NOS1: variants seen among roughly 807,000 people sequenced by gnomAD.
NOS1 encodes nitric oxide synthase 1.
NOS1 carries 51 observed loss-of-function variants against 164.5 expected under a neutral mutation model. The ratio of observed to expected loss-of-function variants is 0.31; its 90% CI spans 0.25 to 0.39. The LOEUF is 0.39. NOS1 is among the 10% of genes least tolerant of loss of function. NOS1 has a pLI of 1.00. For synonymous variants in NOS1, 719 were observed against 745.8 expected, an observed-to-expected ratio of 0.96 and a Z score of 0.59; for missense variants, 1,362 against 1,885.6, an observed-to-expected ratio of 0.72 and a Z score of 5.14.
chr12:117,214,928 G>T lies in NOS1; in HGVS notation c.*381C>A. ...GAAAGGGGGACTTCAGTGGCTGAGGGACTGGCTCAGAGAGCTTGTGCCTAG... is the reference window on the plus strand; with the variant it reads ...GAAAGGGGGACTTCAGTGGCTGAGGTACTGGCTCAGAGAGCTTGTGCCTAG... On this transcript the variant is annotated 3_prime_UTR_variant, in exon 29 of 29. Coordinates refer to ENST00000317775, the MANE Select transcript of NOS1 (RefSeq NM_000620.5). 9.7e-7 allele frequency: 1 copy of T among 1,035,040 alleles called. No homozygotes were observed. Among genetic ancestry groups the T allele is most frequent in the Non-Finnish European group, 1.2e-6 (1 of 862,614 alleles). 64.1% of individuals were successfully genotyped at this position (1,035,040 alleles called of 1,614,324 possible). A position where few individuals can be genotyped will look rare whatever the true frequency, so the allele number is the denominator to read the frequency against.
intron 7 of NOS1, among the ~76,000 whole-genome samples, chr12:117,284,282 A>T (rs1213941759): frequency 6.6e-6 from 1 of 152,184 alleles, no homozygotes; most frequent in African/African-American, 2.4e-5. Context: ...GTGAGCGGGC[A>T]GAGTCAACAA....
intron 2 of NOS1, among the ~76,000 whole-genome samples, chr12:117,322,318 C>T (rs1197603222): frequency 1.6e-5 from 2 of 123,932 alleles, no homozygotes; most frequent in Non-Finnish European, 3.4e-5. Flanking sequence ...TGTCCCTCCT[C>T]TTCCTTCCCT....
intron 18 of NOS1, among the ~76,000 whole-genome samples, chr12:117,245,131 C>T (rs1281810532): frequency 6.6e-6 from 1 of 152,212 alleles, no homozygotes; most frequent in Non-Finnish European, 1.5e-5. Context: ...TCAGCTTCCC[C>T]ATTTGCTCTC....
At chr12:117,260,970 C>T (rs925526835) in intron 13 of NOS1, among the ~76,000 whole-genome samples, 14 of 151,750 alleles carry the variant, frequency 9.2e-5, no homozygotes, top group Non-Finnish European at 1.9e-4. Context: ...GAATTTGCCA[C>T]CAGCCTGGGC....
Position 117,211,465 on chromosome 12 carries a change from C to A in NOS1, c.*3844G>T. Reference sequence around the variant, plus strand: ...TTTCTTTTCCAAGTATAACTCCAATCGCCTTAATGTCCCTTTTTGAAAAAC... The same window carrying A: ...TTTCTTTTCCAAGTATAACTCCAATAGCCTTAATGTCCCTTTTTGAAAAAC... On this transcript the variant is annotated 3_prime_UTR_variant, in exon 29 of 29. Coordinates refer to ENST00000317775, the MANE Select transcript of NOS1 (RefSeq NM_000620.5). 2 of 984,658 alleles carry A rather than the reference C, an allele frequency of 2.0e-6. No homozygotes were observed. Among genetic ancestry groups the A allele is most frequent in the Non-Finnish European group, 2.4e-6 (2 of 829,258 alleles). 61.0% of individuals were successfully genotyped at this position (984,658 alleles called of 1,614,324 possible). A position where few individuals can be genotyped will look rare whatever the true frequency, so the allele number is the denominator to read the frequency against.
intron 3 of NOS1, among the ~76,000 whole-genome samples, chr12:117,293,164 C>A (rs1309296635): frequency 6.6e-6 from 1 of 152,130 alleles, no homozygotes; most frequent in Non-Finnish European, 1.5e-5. Context: ...CATGTTGGAG[C>A]CTGGGGAACA....
At chr12:117,262,034 A>G (rs1311470020) in intron 13 of NOS1, among the ~76,000 whole-genome samples, 1 of 152,200 alleles carries the variant, frequency 6.6e-6, no homozygotes, top group African/African-American at 2.4e-5. Flanking sequence ...AGTGCAGACA[A>G]ATCGCTAACT....
intron 17 of NOS1, among the ~76,000 whole-genome samples, chr12:117,250,573 C>G (rs1871019787): frequency 6.6e-6 from 1 of 152,176 alleles, no homozygotes; most frequent in Non-Finnish European, 1.5e-5. Flanking sequence ...AGGTGATCCA[C>G]ACACCTTGGC....
At chr12:117,219,956 C>T (rs971392473) in intron 27 of NOS1, 119 bp downstream of exon 27, 21 of 972,648 alleles carry the variant, frequency 2.2e-5, no homozygotes, top group African/African-American at 1.1e-4. Context: ...GTAAGTGCAA[C>T]GAATGGGAGC....
At chr12:117,237,689 CA>C (rs1869831275) in intron 20 of NOS1, among the ~76,000 whole-genome samples, 1 of 148,216 alleles carries the variant, frequency 6.7e-6, no homozygotes, top group Non-Finnish European at 1.5e-5. Flanking sequence ...AAAAAAAAAA[CA>C]GAAAATGTGC....
intron 3 of NOS1, chr12:117,304,976 G>A: frequency 1.0e-6 from 1 of 979,922 alleles, no homozygotes; most frequent in Non-Finnish European, 1.2e-6. Context: ...TGCTTCAATT[G>A]CATTCTATTG....
chr12:117,287,740 CTT>C (rs1470864832), intron 5 of NOS1, among the ~76,000 whole-genome samples: 2 of 152,178 alleles, frequency 1.3e-5, no homozygotes, highest in African/African-American at 2.4e-5. Context: ...CACCTGGTCT[CTT>C]GTTAGTTCTT....
chr12:117,301,151 G>A (rs1010188254), intron 3 of NOS1, among the ~76,000 whole-genome samples: 7 of 152,228 alleles, frequency 4.6e-5, no homozygotes, highest in Non-Finnish European at 1.0e-4. Flanking sequence ...CTCTTGAGAT[G>A]GAGTCTCACT....
At chr12:117,244,685 T>C (rs748467124) in intron 18 of NOS1, among the ~76,000 whole-genome samples, 1 of 152,224 alleles carries the variant, frequency 6.6e-6, no homozygotes, top group Non-Finnish European at 1.5e-5. Context: ...TAACAAGATT[T>C]GACACATCCA....
At position 117,278,136 on chromosome 12, in the gene NOS1, C is replaced by T. The variant is rs769688326; in HGVS notation, c.1525-38G>A. ...CCGGCCAGGTAATGCCACTGTACCC[C>T]ACACCCTACAAACACAACCCTTATG... On this transcript the variant is annotated intron_variant, in intron 8 of 28. Transcript: ENST00000317775. The T allele has an allele frequency of 4.4e-6, 7 of 1,582,252 alleles. No individual in the cohort carries two copies. In the Admixed American group the frequency reaches 5.1e-5, roughly 12 times the overall value.
At chr12:117,352,966 A>G (rs1434432981) in intron 1 of NOS1, among the ~76,000 whole-genome samples, 1 of 152,196 alleles carries the variant, frequency 6.6e-6, no homozygotes, top group African/African-American at 2.4e-5. Flanking sequence ...AACAGCTATT[A>G]GCATTTTCAT....
In NOS1 at chr12:117,356,787, T is replaced by C. The variant is rs577343892; in HGVS notation, c.-421+4725A>G. Among the ~76,000 whole-genome samples the C allele has an allele frequency of 6.6e-6, 1 of 152,364 alleles. No individual in the cohort carries two copies. The highest frequency in any genetic ancestry group is 1.5e-5 in the Non-Finnish European group (1 of 68,038). ...ACTTTCTGTTGACACGTCATTTTCATTTAAAAGATTCGAATGGGCTCAATT... is the reference window on the plus strand; with the variant it reads ...ACTTTCTGTTGACACGTCATTTTCACTTAAAAGATTCGAATGGGCTCAATT... On this transcript the variant is annotated intron_variant, in intron 1 of 28. Transcript: ENST00000317775. This position sits in a 1 kb window ranked among gnomAD's most constrained non-coding sequence, Gnocchi z 4.2.
chr12:117,327,499 G>A (rs1875312952), intron 2 of NOS1, among the ~76,000 whole-genome samples: 1 of 152,220 alleles, frequency 6.6e-6, no homozygotes, highest in African/African-American at 2.4e-5. Flanking sequence ...CCCATGGGCA[G>A]TGGCAGCTCC....
chr12:117,223,450 T>C (rs1043581831), intron 25 of NOS1, among the ~76,000 whole-genome samples: 1 of 151,342 alleles, frequency 6.6e-6, no homozygotes, highest in African/African-American at 2.4e-5. Context: ...TTAGTAGAGA[T>C]GGGGTTTCAC....
Sources: gnomAD v4.1 joint callset for allele counts (sites outside exome capture counted in the v4.1 genomes callset) on GRCh38, gnomAD v4.1.1 for gene constraint, Gnocchi (gnomAD v3.1) non-coding constraint, MANE v1.5 for transcripts, NCBI Gene and HGNC (gene_info 2026-07-23, HGNC 2026-07-21) for gene names.